Variants in ASB5 observed in about 807,000 individuals in gnomAD.
ASB5 encodes the protein ankyrin repeat and SOCS box protein 5.
Under a neutral mutation model 42.1 loss-of-function variants are expected in ASB5, and 45 were observed. That is an observed-to-expected ratio of 1.07 (90% CI 0.84 to 1.37). The LOEUF (loss-of-function observed/expected upper bound fraction) is 1.37, where lower values mean the gene tolerates loss of function less well. Among genes scored for constraint, ASB5 ranks in the 40% most tolerant of loss-of-function variants. The pLI is 0.00. For synonymous variants in ASB5, 147 were observed against 150.6 expected (o/e 0.98, Z 0.18); for missense variants, 402 against 399.8 (o/e 1.01, Z -0.05).
At chr4:176,222,880 C>G (rs1454191016) in intron 2 of ASB5, among the ~76,000 whole-genome samples, 2 of 152,054 alleles carry the variant, frequency 1.3e-5, no homozygotes, top group African/African-American at 4.8e-5. Flanking sequence ...CGGGTTCATG[C>G]CATTCTCCTG....
chr4:176,217,318 A>G (rs979929314), intron 5 of ASB5, among the ~76,000 whole-genome samples: 1 of 152,136 alleles, frequency 6.6e-6, no homozygotes, highest in African/African-American at 2.4e-5. Context: ...TAACTTTTAA[A>G]TGATTCCAAA....
Position 176,269,205 on chromosome 4 carries a change from A to G in ASB5, c.-97T>C, listed in dbSNP as rs1172258530. The stretch of plus-strand genomic sequence containing the variant: ...GCTCCTGAACAGCTGGTCCTGAGGA[A>G]AGAAAATATCAGCTGGTAGTGATGC... On this transcript the variant is annotated 5_prime_UTR_variant, in exon 1 of 7. Transcript: ENST00000296525. The G allele has an allele frequency of 2.7e-6, 3 of 1,109,694 alleles. No individual in the cohort carries two copies. Among genetic ancestry groups the G allele is most frequent in the Non-Finnish European group, 3.8e-6 (3 of 790,828 alleles). The allele number at this position is 1,109,694 out of a possible 1,614,324, so 68.7% of individuals were successfully genotyped here.
chr4:176,250,490 T>C (rs1261176753), intron 1 of ASB5, among the ~76,000 whole-genome samples: 1 of 152,210 alleles, frequency 6.6e-6, no homozygotes, highest in East Asian at 1.9e-4. Context: ...GCTTCCACTC[T>C]CAGCTTTACA....
chr4:176,274,816 T>C (rs545388788), intron 2 of ASB5, among the ~76,000 whole-genome samples: 7 of 152,322 alleles, frequency 4.6e-5, no homozygotes, highest in Non-Finnish European at 7.3e-5. Context: ...AAGGGAAACC[T>C]TTCAATGACA....
chr4:176,255,258 A>T (rs1212880082), intron 1 of ASB5, among the ~76,000 whole-genome samples: 1 of 152,224 alleles, frequency 6.6e-6, no homozygotes, highest in Admixed American at 6.5e-5. Flanking sequence ...TGGTCATACA[A>T]CATTGGTGGG....
At chr4:176,261,895 C>T (rs1174497855) in intron 1 of ASB5, among the ~76,000 whole-genome samples, 1 of 151,282 alleles carries the variant, frequency 6.6e-6, no homozygotes, top group Non-Finnish European at 1.5e-5. Context: ...AAATTATATA[C>T]ATGATATAGT....
chr4:176,225,214 T>C, intron 2 of ASB5, 48 bp downstream of exon 2: 2 of 1,446,472 alleles, frequency 1.4e-6, no homozygotes, highest in Non-Finnish European at 1.9e-6. Flanking sequence ...GACCATGTTC[T>C]GTGCACATGG....
intron 1 of ASB5, among the ~76,000 whole-genome samples, chr4:176,231,556 C>T (rs1753544266): frequency 6.7e-6 from 1 of 148,426 alleles, no homozygotes; most frequent in Non-Finnish European, 1.5e-5. Flanking sequence ...GGGTGGGTGG[C>T]TTATGCCTGT....
intron 1 of ASB5, among the ~76,000 whole-genome samples, chr4:176,276,355 G>C (rs945008040): frequency 1.3e-5 from 2 of 152,130 alleles, no homozygotes; most frequent in Non-Finnish European, 2.9e-5. Flanking sequence ...ACTTCCAATA[G>C]TACCATACTC....
At chr4:176,221,850 C>T (rs1354123015) in intron 3 of ASB5, among the ~76,000 whole-genome samples, 2 of 151,842 alleles carry the variant, frequency 1.3e-5, no homozygotes, top group Non-Finnish European at 2.9e-5. Flanking sequence ...AATGCATGCT[C>T]AAATGGCAAA....
At chr4:176,232,129 T>TATAC (rs1561257161) in intron 1 of ASB5, among the ~76,000 whole-genome samples, 2 of 84,276 alleles carry the variant, frequency 2.4e-5, no homozygotes, top group African/African-American at 9.0e-5. Flanking sequence ...ATATATATAC[T>TATAC]TTTTTTTTTT....
intron 1 of ASB5, among the ~76,000 whole-genome samples, chr4:176,244,012 A>C (rs1172538321): frequency 6.6e-6 from 1 of 152,138 alleles, no homozygotes; most frequent in South Asian, 2.1e-4. Flanking sequence ...AAAACCATTC[A>C]ATTTATAGCT....
At chr4:176,268,364 T>C (rs1407403494) in intron 1 of ASB5, among the ~76,000 whole-genome samples, 1 of 152,164 alleles carries the variant, frequency 6.6e-6, no homozygotes, top group Non-Finnish European at 1.5e-5. Context: ...AACAATTCCA[T>C]CAGAAAAACA....
rs372886407 is a variant in ASB5 at position 176,251,985 on chromosome 4, G to A, written c.196+16928C>T. ...GGAGGTTGAGGCAGGAGGATGGATTGAGTCCAGGACCTTGAGGCTGCAGTG... is the reference window on the plus strand; with the variant it reads ...GGAGGTTGAGGCAGGAGGATGGATTAAGTCCAGGACCTTGAGGCTGCAGTG... On this transcript the variant is annotated intron_variant, in intron 1 of 6. Coordinates refer to ENST00000296525, the MANE Select transcript of ASB5 (RefSeq NM_080874.4). 2.8e-5 allele frequency among the ~76,000 whole-genome samples: 4 copies of A among 145,000 alleles called. No homozygotes were observed. The South Asian group carries it at 6.8e-4, about 25-fold the overall frequency.
At chr4:176,241,630 T>C (rs1753814521) in intron 1 of ASB5, 2 of 1,394,458 alleles carry the variant, frequency 1.4e-6, no homozygotes, top group African/African-American at 2.9e-5. Flanking sequence ...TTATTCTACT[T>C]TACTTAAACA....
rs947714524 is a variant in ASB5 at position 176,221,209 on chromosome 4, A to T, written c.616T>A (p.Tyr206Asn). 7.4e-6 allele frequency: 12 copies of T among 1,614,166 alleles called. No homozygotes were observed. The highest frequency in any genetic ancestry group is 3.3e-5 in the Admixed American group (2 of 60,022). The change falls in exon 5 of 7, where the codon TAT becomes AAT. Residue 206 changes from tyrosine to asparagine, a missense_variant. Transcript: ENST00000296525. ...AATTGCTGTGACATACAAGCTACAT[A>T]GAGAGGAGTTCCCAAATGAGGAATT... ...QEIPHLGTPL[Y>N]VACMSQQFHC...
intron 2 of ASB5, among the ~76,000 whole-genome samples, chr4:176,274,534 G>GT (rs1458896897): frequency 6.6e-6 from 1 of 152,060 alleles, no homozygotes; most frequent in East Asian, 1.9e-4. Context: ...TCCCACCCAG[G>GT]TTTTTTGCCC....
At chr4:176,238,733 C>T (rs1477998189) in intron 1 of ASB5, among the ~76,000 whole-genome samples, 1 of 151,994 alleles carries the variant, frequency 6.6e-6, no homozygotes, top group Non-Finnish European at 1.5e-5. Context: ...TTATTGTCTT[C>T]ATGTAACAAG....
upstream of ASB5, among the ~76,000 whole-genome samples, chr4:176,273,216 G>T (rs1443062346): frequency 2.0e-5 from 3 of 152,100 alleles, no homozygotes; most frequent in Admixed American, 6.6e-5. Flanking sequence ...AAACAGCAAG[G>T]TTGCTAATGT....
Sources: gnomAD v4.1 joint callset for allele counts (sites outside exome capture counted in the v4.1 genomes callset) on GRCh38, gnomAD v4.1.1 for gene constraint, MANE v1.5 for transcripts, NCBI Gene and HGNC (gene_info 2026-07-23, HGNC 2026-07-21) for gene names.